The following CTNND2 variants were observed in gnomAD, a reference collection of about 807,000 sequenced individuals.
The protein encoded by CTNND2 is catenin delta 2, also known as catenin delta-2.
Under a neutral mutation model 144.4 loss-of-function variants are expected in CTNND2, and 22 were observed. That is an observed-to-expected ratio of 0.15 (90% confidence interval 0.11 to 0.22). The LOEUF is 0.22. Among genes scored for constraint, CTNND2 ranks in the 10% least tolerant of loss-of-function variants. The pLI, the probability that CTNND2 is intolerant of heterozygous loss-of-function variation, is 1.00. For synonymous variants in CTNND2, 751 were observed against 695.6 expected (o/e 1.08, Z -1.25); for missense variants, 1,353 against 1,618.8 (o/e 0.84, Z 2.82).
At chr5:11,875,714 G>A (rs1359893836) in intron 1 of CTNND2, among the ~76,000 whole-genome samples, 1 of 152,166 alleles carries the variant, frequency 6.6e-6, no homozygotes, top group Non-Finnish European at 1.5e-5. Flanking sequence ...GGACTTCCCG[G>A]CTTTCAGAAC....
At chr5:11,425,217 C>T (rs926903238) in intron 3 of CTNND2, among the ~76,000 whole-genome samples, 2 of 152,182 alleles carry the variant, frequency 1.3e-5, no homozygotes, top group Non-Finnish European at 2.9e-5. Flanking sequence ...ACACAATATA[C>T]TTCACTGGCT....
chr5:11,305,940 T>G (rs1457226275), intron 9 of CTNND2, among the ~76,000 whole-genome samples: 1 of 152,228 alleles, frequency 6.6e-6, no homozygotes, highest in Non-Finnish European at 1.5e-5. Context: ...CACGGAGGTC[T>G]ATACAAATGG....
At chr5:11,589,365 T>C (rs1324713205) in intron 2 of CTNND2, among the ~76,000 whole-genome samples, 2 of 151,720 alleles carry the variant, frequency 1.3e-5, no homozygotes, top group South Asian at 2.1e-4. Context: ...AAACTCAAAA[T>C]AGACTTTATT....
Position 10,973,211 on chromosome 5 carries a change from T to G in CTNND2, c.*242A>C. 2 of 463,708 alleles carry G rather than the reference T, an allele frequency of 4.3e-6. No homozygotes were observed. The highest frequency in any genetic ancestry group is 7.9e-5 in the Admixed American group (2 of 25,326). 28.7% of individuals were successfully genotyped at this position (463,708 alleles called of 1,614,324 possible). On this transcript the variant is annotated 3_prime_UTR_variant, in exon 22 of 22. Coordinates refer to ENST00000304623, the MANE Select transcript of CTNND2 (RefSeq NM_001332.4). This position sits in a 1 kb window ranked among gnomAD's most constrained non-coding sequence, Gnocchi z 5.6. ...CTTCTCGTTACTCTACAGCTCACGC[T>G]AGAAAGGTGCTGCCCACTGTCATAT...
Position 11,726,999 on chromosome 5 carries a change from G to A in CTNND2, c.174+5137C>T, listed in dbSNP as rs140359381. Among the ~76,000 whole-genome samples, 191 of 152,258 alleles carry A rather than the reference G, an allele frequency of 1.3e-3. 1 individual carries two copies. Among genetic ancestry groups the A allele is most frequent in the African/African-American group, 4.3e-3 (177 of 41,552 alleles). ...CATAAGAGAGCATCAGGAAGCAGGGGTGGAGAGACAGAGATGATCTATCCA... is the reference window on the plus strand; with the variant it reads ...CATAAGAGAGCATCAGGAAGCAGGGATGGAGAGACAGAGATGATCTATCCA... On this transcript the variant is annotated intron_variant, in intron 2 of 21. Coordinates refer to ENST00000304623, the MANE Select transcript of CTNND2 (RefSeq NM_001332.4).
At chr5:11,179,200 G>A (rs1306990758) in intron 11 of CTNND2, among the ~76,000 whole-genome samples, 1 of 152,010 alleles carries the variant, frequency 6.6e-6, no homozygotes, top group Non-Finnish European at 1.5e-5. Flanking sequence ...GGCTGAGGTA[G>A]GAGAATCGCT....
chr5:11,637,015 G>C (rs1781742637), intron 2 of CTNND2, among the ~76,000 whole-genome samples: 1 of 152,066 alleles, frequency 6.6e-6, no homozygotes, highest in East Asian at 1.9e-4. Flanking sequence ...AGCATGAAAA[G>C]GAGTTATTAC....
At chr5:11,553,835 A>T (rs1581481444) in intron 3 of CTNND2, among the ~76,000 whole-genome samples, 2 of 152,130 alleles carry the variant, frequency 1.3e-5, no homozygotes, top group South Asian at 4.1e-4. Flanking sequence ...TTATACTGCA[A>T]TTCTTCTAAA....
chr5:11,279,941 C>G (rs925726460), intron 9 of CTNND2, among the ~76,000 whole-genome samples: 1 of 152,100 alleles, frequency 6.6e-6, no homozygotes, highest in African/African-American at 2.4e-5. Flanking sequence ...GAGAAATTTA[C>G]CCCCATGATC....
intron 9 of CTNND2, among the ~76,000 whole-genome samples, chr5:11,263,533 G>T (rs71599571): frequency 6.6e-6 from 1 of 152,064 alleles, no homozygotes; most frequent in Non-Finnish European, 1.5e-5. Context: ...GTGTGTGTGT[G>T]AGGTGGAGAA....
At chr5:11,598,018 T>A (rs1051836878) in intron 2 of CTNND2, among the ~76,000 whole-genome samples, 9 of 152,222 alleles carry the variant, frequency 5.9e-5, no homozygotes, top group African/African-American at 2.2e-4. Context: ...AATAGCTGTA[T>A]TTTTGTTGTT....
At chr5:11,166,781 T>C (rs1426612775) in intron 11 of CTNND2, among the ~76,000 whole-genome samples, 2 of 152,138 alleles carry the variant, frequency 1.3e-5, no homozygotes, top group Admixed American at 6.5e-5. Context: ...TTTGGATGCA[T>C]ATAAACTCTC....
intron 2 of CTNND2, among the ~76,000 whole-genome samples, chr5:11,643,116 C>A (rs1406348072): frequency 6.6e-6 from 1 of 152,074 alleles, no homozygotes; most frequent in Non-Finnish European, 1.5e-5. Context: ...CAGTTGAATT[C>A]TATTTCAAAT....
chr5:11,729,896 G>C (rs1006210242), intron 2 of CTNND2, among the ~76,000 whole-genome samples: 2 of 152,086 alleles, frequency 1.3e-5, no homozygotes, highest in African/African-American at 4.8e-5. Context: ...TTAAAAATTA[G>C]TTTTATTTTC....
chr5:11,083,231 G>A (rs1045799023), intron 15 of CTNND2, among the ~76,000 whole-genome samples: 1 of 152,222 alleles, frequency 6.6e-6, no homozygotes, highest in African/African-American at 2.4e-5. Context: ...AGTAGAAAAT[G>A]AGAATGGGTT....
intron 3 of CTNND2, among the ~76,000 whole-genome samples, chr5:11,497,348 C>T (rs531151493): frequency 9.2e-5 from 14 of 151,564 alleles, no homozygotes; most frequent in South Asian, 2.1e-4. Flanking sequence ...ACATAAAGAA[C>T]GATGCAAATA....
intron 3 of CTNND2, 29 bp from the exon 4 acceptor site, chr5:11,412,098 T>G (rs1219113359): frequency 1.3e-6 from 2 of 1,582,802 alleles, no homozygotes; most frequent in East Asian, 2.2e-5. Flanking sequence ...AGAGATATAA[T>G]GCATTGATTA....
chr5:11,031,882 G>A (rs921193793), intron 16 of CTNND2, among the ~76,000 whole-genome samples: 5 of 152,126 alleles, frequency 3.3e-5, no homozygotes, highest in African/African-American at 7.2e-5. Flanking sequence ...TTGGGCCTTC[G>A]GCCACAGACT....
chr5:11,355,352 T>A (rs2149755265), intron 8 of CTNND2, among the ~76,000 whole-genome samples: 1 of 152,174 alleles, frequency 6.6e-6, no homozygotes, highest in East Asian at 1.9e-4. Context: ...CAAGAATTAT[T>A]TAATACATGT....
Sources: allele counts gnomAD v4.1 joint callset (sites outside exome capture counted in the v4.1 genomes callset), GRCh38; gene constraint gnomAD v4.1.1; non-coding constraint Gnocchi (gnomAD v3.1); transcripts MANE v1.5; gene names NCBI Gene and HGNC (gene_info 2026-07-23, HGNC 2026-07-21).